ASB18: variants seen among roughly 807,000 people sequenced by gnomAD.
ASB18 encodes the protein ankyrin repeat and SOCS box containing 18.
In ASB18, 33 loss-of-function variants were observed where a neutral mutation model predicts 33.4. The observed-to-expected ratio is 0.99, with a 90% CI of 0.75 to 1.32. ASB18 has a LOEUF of 1.32. Among genes scored for constraint, ASB18 ranks in the 40% most tolerant of loss-of-function variants. The pLI, the probability that ASB18 is intolerant of heterozygous loss-of-function variation, is 0.00. For missense variants in ASB18, 694 were observed against 655.5 expected, an observed-to-expected ratio of 1.06 and a Z score of -0.64; for synonymous variants, 295 against 307.6, an observed-to-expected ratio of 0.96 and a Z score of 0.43.
intron 3 of ASB18, among the ~76,000 whole-genome samples, chr2:236,227,633 G>C (rs992517785): frequency 6.6e-6 from 1 of 152,042 alleles, no homozygotes; most frequent in Non-Finnish European, 1.5e-5. Context: ...ATATAAAATT[G>C]TATAGTATGA....
rs998764339 is a variant in ASB18, at chr2:236,239,401, G to A, written c.329-1445C>T. 4.0e-5 allele frequency among the ~76,000 whole-genome samples: 6 copies of A among 151,526 alleles called. No homozygotes were observed. Among genetic ancestry groups the A allele is most frequent in the African/African-American group, 1.2e-4 (5 of 41,308 alleles). On this transcript the variant is annotated intron_variant, in intron 2 of 5. Transcript: ENST00000409749. The surrounding 1 kb of genome is among the most constrained non-coding windows in gnomAD (Gnocchi z 5.6). ...CTCAGCCACAGTGTGGGCCAGCACC[G>A]TCTCCAGGTCCTTGGCGATGCAGTC...
Position 236,238,106 on chromosome 2 carries a change from GCACACAGAGACAGAGAGCAGAGAGA to G in ASB18, c.329-175_329-151del. The G allele has an allele frequency of 1.8e-6, 1 of 549,962 alleles. No homozygotes were observed. Among genetic ancestry groups the G allele is most frequent in the Non-Finnish European group, 2.9e-6 (1 of 344,506 alleles). 34.1% of individuals were successfully genotyped at this position (549,962 alleles called of 1,614,324 possible). On this transcript the variant is annotated intron_variant, in intron 2 of 5. Transcript: ENST00000409749. This position sits in a 1 kb window ranked among gnomAD's most constrained non-coding sequence, Gnocchi z 5.2. ...GGGAGAAGAGGATAGAATCAGAGAC[GCACACAGAGACAGAGAGCAGAGAGA>G]CACACTGGGAAGAGACAGGCGTAGA...
Position 236,252,114 on chromosome 2 carries a change from T to C in ASB18, c.206-10712A>G, listed in dbSNP as rs771832206. ...GGTAAAACCCCGTCTCTACTAAAAG[T>C]ACAAAAATCAGCTGAGGGTGGTGGT... On this transcript the variant is annotated intron_variant, in intron 1 of 5. Coordinates refer to ENST00000409749, the MANE Select transcript of ASB18 (RefSeq NM_212556.4). The surrounding 1 kb of genome is among the most constrained non-coding windows in gnomAD (Gnocchi z 7.9). Among the ~76,000 whole-genome samples, 2 of 151,966 alleles carry C rather than the reference T, an allele frequency of 1.3e-5. No individual in the cohort carries two copies. Among genetic ancestry groups the C allele is most frequent in the Non-Finnish European group, 1.5e-5 (1 of 67,970 alleles).
intron 1 of ASB18, among the ~76,000 whole-genome samples, chr2:236,243,576 G>T (rs988995578): frequency 6.6e-6 from 1 of 152,084 alleles, no homozygotes; most frequent in Non-Finnish European, 1.5e-5. Flanking sequence ...TAGGACAGAT[G>T]CGGGGTTCCC....
Position 236,235,536 on chromosome 2 carries a change from T to C in ASB18, c.596+2153A>G, listed in dbSNP as rs1361763134. On this transcript the variant is annotated intron_variant, in intron 3 of 5. Transcript: ENST00000409749. The surrounding 1 kb of genome is among the most constrained non-coding windows in gnomAD (Gnocchi z 6.2). Reference sequence around the variant, plus strand: ...TCAACATCGCTAGTTACCAGGGAAATGAAAATCAAAACTATAACAAGACAT... The same window carrying C: ...TCAACATCGCTAGTTACCAGGGAAACGAAAATCAAAACTATAACAAGACAT... 6.6e-6 allele frequency among the ~76,000 whole-genome samples: 1 copy of C among 152,168 alleles called. No individual in the cohort carries two copies. Among genetic ancestry groups the C allele is most frequent in the Non-Finnish European group, 1.5e-5 (1 of 68,024 alleles).
chr2:236,249,374 C>A lies in ASB18; in HGVS notation c.206-7972G>T, dbSNP rs1241167442. The A allele has an allele frequency of 6.6e-6, 1 of 152,194 alleles. No individual in the cohort carries two copies. The highest frequency in any genetic ancestry group is 1.5e-5 in the Non-Finnish European group (1 of 68,046). 9.4% of individuals were successfully genotyped at this position (152,194 alleles called of 1,614,324 possible). On this transcript the variant is annotated intron_variant, in intron 1 of 5. Coordinates refer to ENST00000409749, the MANE Select transcript of ASB18 (RefSeq NM_212556.4). This position sits in a 1 kb window ranked among gnomAD's most constrained non-coding sequence, Gnocchi z 4.6. ...TAACAGCATCACTTAGTGTATCTGG[C>A]AATCACACTGAGGATGTGAAGGGGT...
intron 4 of ASB18, among the ~76,000 whole-genome samples, chr2:236,197,546 A>C (rs1215611065): frequency 6.6e-6 from 1 of 152,162 alleles, no homozygotes; most frequent in East Asian, 1.9e-4. Flanking sequence ...AGCTGGACCA[A>C]ATTCAGTTGC....
At chr2:236,236,629 C>G (rs1419817873) in intron 3 of ASB18, among the ~76,000 whole-genome samples, 1 of 152,078 alleles carries the variant, frequency 6.6e-6, no homozygotes, top group African/African-American at 2.4e-5. Flanking sequence ...CCCTGATCCC[C>G]CCTCTGAACT....
Position 236,208,404 on chromosome 2 carries a change from C to T in ASB18, c.1101+5958G>A, listed in dbSNP as rs563911202. Among the ~76,000 whole-genome samples the T allele has an allele frequency of 2.6e-5, 4 of 152,352 alleles. No homozygotes were observed. Among genetic ancestry groups the T allele is most frequent in the African/African-American group, 7.2e-5 (3 of 41,588 alleles). On this transcript the variant is annotated intron_variant, in intron 4 of 5. Coordinates refer to ENST00000409749, the MANE Select transcript of ASB18 (RefSeq NM_212556.4). This position sits in a 1 kb window ranked among gnomAD's most constrained non-coding sequence, Gnocchi z 7.7. ...AAATCACGCCATTAAGAAGGACTCA[C>T]GCTGGACCCCTCGGGATGGAGTCTG...
Position 236,209,732 on chromosome 2 carries a change from T to C in ASB18, c.1101+4630A>G, listed in dbSNP as rs1280959082. 6.6e-6 allele frequency among the ~76,000 whole-genome samples: 1 copy of C among 152,244 alleles called. No individual in the cohort carries two copies. The highest frequency in any genetic ancestry group is 2.4e-5 in the African/African-American group (1 of 41,466). ...TGATTGGATGATGTCATCTCCTTCC[T>C]TGAAAATGATGTAATCAACTCCCAA... is the stretch of plus-strand genomic sequence containing the variant. On this transcript the variant is annotated intron_variant, in intron 4 of 5. Transcript: ENST00000409749. The surrounding 1 kb of genome is among the most constrained non-coding windows in gnomAD (Gnocchi z 4.4).
Position 236,223,559 on chromosome 2 carries a change from T to A in ASB18, c.597-8693A>T, listed in dbSNP as rs1179475272. ...TTTTAATACAATAACTTCTGTGAGG[T>A]ACACACGCAGAAATGCACAGGTCTT... is the stretch of plus-strand genomic sequence containing the variant. On this transcript the variant is annotated intron_variant, in intron 3 of 5. Coordinates refer to ENST00000409749, the MANE Select transcript of ASB18 (RefSeq NM_212556.4). The surrounding 1 kb of genome is among the most constrained non-coding windows in gnomAD (Gnocchi z 4.6). 6.6e-6 allele frequency among the ~76,000 whole-genome samples: 1 copy of A among 152,190 alleles called. No homozygotes were observed. The highest frequency in any genetic ancestry group is 6.5e-5 in the Admixed American group (1 of 15,280).
In ASB18 at chr2:236,238,610, G is replaced by GGGGTGTGTGTGTGT. The variant is rs1553601613; in HGVS notation, c.329-655_329-654insACACACACACACCC. On this transcript the variant is annotated intron_variant, in intron 2 of 5. Coordinates refer to ENST00000409749, the MANE Select transcript of ASB18 (RefSeq NM_212556.4). The surrounding 1 kb of genome is among the most constrained non-coding windows in gnomAD (Gnocchi z 5.2). ...GGTTTGTTTCTTTGCGCTTTTTAGG[G>GGGGTGTGTGTGTGT]GTGTGTGTGTGTGTGTGTGTAGGGT... Among the ~76,000 whole-genome samples, 77 of 150,380 alleles carry GGGGTGTGTGTGTGT rather than the reference G, an allele frequency of 5.1e-4. No homozygotes were observed. Among genetic ancestry groups the GGGGTGTGTGTGTGT allele is most frequent in the African/African-American group, 1.6e-3 (67 of 40,888 alleles).
Position 236,214,644 on chromosome 2 carries a change from C to T in ASB18, c.819G>A (p.Leu273=), listed in dbSNP as rs1385489871. 2 of 1,164,706 alleles carry T rather than the reference C, an allele frequency of 1.7e-6. No individual in the cohort carries two copies. The highest frequency in any genetic ancestry group is 2.1e-6 in the Non-Finnish European group (2 of 946,480). The allele number at this position is 1,164,706 out of a possible 1,614,324, so 72.1% of individuals were successfully genotyped here. A position where few individuals can be genotyped will look rare whatever the true frequency, so the allele number is the denominator to read the frequency against. ...GCCGCAGCAGCAGCGCGCACAGGCGCAGGCAGCGCCCGTGCTCGTCGGGCC... is the reference window on the plus strand; with the variant it reads ...GCCGCAGCAGCAGCGCGCACAGGCGTAGGCAGCGCCCGTGCTCGTCGGGCC... The part of the protein sequence containing the change: ...ARRPDEHGRC[L]RLCALLLRRG... Residue 273 remains leucine (L), a synonymous_variant, in exon 4 of 6, where the codon CTG becomes CTA. Transcript: ENST00000409749. This position sits in a 1 kb window ranked among gnomAD's most constrained non-coding sequence, Gnocchi z 6.5.
At position 236,237,871 on chromosome 2, in the gene ASB18, G is replaced by C. The variant is rs2060602722; in HGVS notation, c.414C>G (p.His138Gln). 6.7e-7 allele frequency: 1 copy of C among 1,483,700 alleles called. No homozygotes were observed. The highest frequency in any genetic ancestry group is 1.3e-5 in the South Asian group (1 of 79,134). The allele number at this position is 1,483,700 out of a possible 1,614,324, so 91.9% of individuals were successfully genotyped here. The change falls in exon 3 of 6, where the codon CAC (histidine) becomes CAG (glutamine). Residue 138 changes from histidine (H) to glutamine (Q), a missense_variant. Transcript: ENST00000409749. This position sits in a 1 kb window ranked among gnomAD's most constrained non-coding sequence, Gnocchi z 6.2. Reference protein sequence around the residue: ...AAHGHTACVRHLLGRGADPDA... With the variant: ...AAHGHTACVRQLLGRGADPDA... ...CTGGGTCTGCGCCGCGGCCGAGCAGGTGTCGCACGCAGGCGGTGTGGCCGT... is the reference window on the plus strand; with the variant it reads ...CTGGGTCTGCGCCGCGGCCGAGCAGCTGTCGCACGCAGGCGGTGTGGCCGT...
Position 236,215,870 on chromosome 2 carries a change from C to T in ASB18, c.597-1004G>A, listed in dbSNP as rs1388134259. Reference sequence around the variant, plus strand: ...CCAGCCTTGGAAGTCTGCAAACATGCCGACTTCAGACTACAGCCCTAGTCC... The same window carrying T: ...CCAGCCTTGGAAGTCTGCAAACATGTCGACTTCAGACTACAGCCCTAGTCC... On this transcript the variant is annotated intron_variant, in intron 3 of 5. Coordinates refer to ENST00000409749, the MANE Select transcript of ASB18 (RefSeq NM_212556.4). The surrounding 1 kb of genome is among the most constrained non-coding windows in gnomAD (Gnocchi z 7.2). Among the ~76,000 whole-genome samples the T allele has an allele frequency of 6.6e-6, 1 of 152,212 alleles. No individual in the cohort carries two copies. The highest frequency in any genetic ancestry group is 1.5e-5 in the Non-Finnish European group (1 of 68,036).
chr2:236,214,271 T>C lies in ASB18; in HGVS notation c.1101+91A>G. ...CCAGGGGTGCCTGGGCCATTACACT[T>C]TGAGAGCGCCGCATGCAACCCAGCT... On this transcript the variant is annotated intron_variant, in intron 4 of 5. Coordinates refer to ENST00000409749, the MANE Select transcript of ASB18 (RefSeq NM_212556.4). The surrounding 1 kb of genome is among the most constrained non-coding windows in gnomAD (Gnocchi z 6.5). 7.3e-7 allele frequency: 1 copy of C among 1,361,968 alleles called. No individual in the cohort carries two copies. The highest frequency in any genetic ancestry group is 9.9e-7 in the Non-Finnish European group (1 of 1,014,216). The allele number at this position is 1,361,968 out of a possible 1,614,324, so 84.4% of individuals were successfully genotyped here. A position where few individuals can be genotyped will look rare whatever the true frequency, so the allele number is the denominator to read the frequency against.
At position 236,216,586 on chromosome 2, in the gene ASB18, T is replaced by A; in HGVS notation, c.597-1720A>T. On this transcript the variant is annotated intron_variant, in intron 3 of 5. Transcript: ENST00000409749. The surrounding 1 kb of genome is among the most constrained non-coding windows in gnomAD (Gnocchi z 6.1). ...CCCATTTCAACTGGTCACTGAGCCA[T>A]CTCATCACCTGAACTGCTTCCTCCC... is the stretch of plus-strand genomic sequence containing the variant. 6.6e-6 allele frequency among the ~76,000 whole-genome samples: 1 copy of A among 152,182 alleles called. No individual in the cohort carries two copies. Among genetic ancestry groups the A allele is most frequent in the East Asian group, 1.9e-4 (1 of 5,190 alleles).
Position 236,257,325 on chromosome 2 carries a change from G to T in ASB18, c.205+6816C>A, listed in dbSNP as rs1267040519. On this transcript the variant is annotated intron_variant, in intron 1 of 5. Coordinates refer to ENST00000409749, the MANE Select transcript of ASB18 (RefSeq NM_212556.4). This position sits in a 1 kb window ranked among gnomAD's most constrained non-coding sequence, Gnocchi z 5.5. ...ATTTTGCTTCGAGCAGGGTCTCCCT[G>T]CCCCCACGCTCTCTGGTGGAGTGAG... Among the ~76,000 whole-genome samples the T allele has an allele frequency of 6.6e-6, 1 of 152,184 alleles. No individual in the cohort carries two copies. The highest frequency in any genetic ancestry group is 1.9e-4 in the East Asian group (1 of 5,196).
Position 236,237,834 on chromosome 2 carries a change from C to T in ASB18, c.451G>A (p.Gly151Ser). The change falls in exon 3 of 6, where the codon GGC (glycine) becomes AGC (serine). Residue 151 changes from glycine to serine, a missense_variant. Physicochemically the swap from Gly to Ser is moderately conservative, Grantham distance 56. Transcript: ENST00000409749. This position sits in a 1 kb window ranked among gnomAD's most constrained non-coding sequence, Gnocchi z 6.2. The part of the protein sequence containing the change: ...GRGADPDASP[G>S]GRGALHEACL... ...GCCTCGTGCAGGGCGCCGCGGCCGC[C>T]GGGGCTGGCGTCTGGGTCTGCGCCG... is the stretch of plus-strand genomic sequence containing the variant. 1 of 1,376,868 alleles carries T rather than the reference C, an allele frequency of 7.3e-7. No individual in the cohort carries two copies. Among genetic ancestry groups the T allele is most frequent in the South Asian group, 1.7e-5 (1 of 58,658 alleles). 85.3% of individuals were successfully genotyped at this position (1,376,868 alleles called of 1,614,324 possible).
Sources: gnomAD v4.1 joint callset for allele counts (sites outside exome capture counted in the v4.1 genomes callset) on GRCh38, gnomAD v4.1.1 for gene constraint, Gnocchi (gnomAD v3.1) non-coding constraint, MANE v1.5 for transcripts, NCBI Gene and HGNC (gene_info 2026-07-23, HGNC 2026-07-21) for gene names.